AMBRA1: variants seen among roughly 807,000 people sequenced by gnomAD.
The protein encoded by AMBRA1 is autophagy and beclin 1 regulator 1.
In AMBRA1, 47 loss-of-function variants were observed where a neutral mutation model predicts 125.4. The ratio of observed to expected loss-of-function variants is 0.37; its 90% CI spans 0.30 to 0.48. The LOEUF (loss-of-function observed/expected upper bound fraction) is 0.48. Among genes scored for constraint, AMBRA1 ranks in the 20% least tolerant of loss-of-function variants. AMBRA1 has a pLI of 0.99. For synonymous variants in AMBRA1, 626 were observed against 655.5 expected, an observed-to-expected ratio of 0.95 and a Z score of 0.69; for missense variants, 1,331 against 1,693.4, an observed-to-expected ratio of 0.79 and a Z score of 3.76.
At chr11:46,445,078 A>AAAAAAAAAAAAAAAAAAAAAAAG (rs1948214514) in intron 11 of AMBRA1, among the ~76,000 whole-genome samples, 1 of 151,852 alleles carries the variant, frequency 6.6e-6, no homozygotes. Context: ...AAACAAAAAA[A>AAAAAAAAAAAAAAAAAAAAAAAG]AAAAAACAAA....
intron 15 of AMBRA1, among the ~76,000 whole-genome samples, chr11:46,412,444 C>T (rs534179905): frequency 1.3e-5 from 2 of 152,186 alleles, no homozygotes; most frequent in East Asian, 3.9e-4. Context: ...CTCACCACGC[C>T]TGGCTAATTT....
At chr11:46,551,131 A>C (rs2135200932) in intron 1 of AMBRA1, among the ~76,000 whole-genome samples, 1 of 151,858 alleles carries the variant, frequency 6.6e-6, no homozygotes, top group South Asian at 2.1e-4. Flanking sequence ...GATGTCCAAA[A>C]TATATTGTCG....
At chr11:46,464,986 G>A (rs1280445948) in intron 11 of AMBRA1, among the ~76,000 whole-genome samples, 1 of 152,146 alleles carries the variant, frequency 6.6e-6, no homozygotes, top group Non-Finnish European at 1.5e-5. Flanking sequence ...GGAGGTTGCA[G>A]TGAGCTGCGA....
At chr11:46,477,694 G>A (rs1230018020) in intron 11 of AMBRA1, among the ~76,000 whole-genome samples, 1 of 151,968 alleles carries the variant, frequency 6.6e-6, no homozygotes, top group Non-Finnish European at 1.5e-5. Flanking sequence ...ACATGCCTAG[G>A]ATAATATCCA....
At chr11:46,505,907 A>G (rs1425981695) in intron 9 of AMBRA1, among the ~76,000 whole-genome samples, 1 of 152,190 alleles carries the variant, frequency 6.6e-6, no homozygotes, top group Non-Finnish European at 1.5e-5. Context: ...CACTGCAAAA[A>G]GATAACGCAG....
intron 11 of AMBRA1, chr11:46,451,913 C>G (rs1321356296): frequency 6.7e-6 from 1 of 149,754 alleles, no homozygotes; most frequent in East Asian, 2.1e-4. Flanking sequence ...ATCAACTTTT[C>G]AAACAGATTG....
At chr11:46,528,446 C>T (rs1340683594) in intron 7 of AMBRA1, among the ~76,000 whole-genome samples, 1 of 152,258 alleles carries the variant, frequency 6.6e-6, no homozygotes, top group African/African-American at 2.4e-5. Context: ...GCTGGGATTA[C>T]AGGCGTGAGC....
rs142012115 is a variant in AMBRA1 at position 46,542,871 on chromosome 11, C to T, written c.1146G>A (p.Thr382=). The T allele has an allele frequency of 6.2e-5, 100 of 1,613,044 alleles. No individual in the cohort carries two copies. The highest frequency in any genetic ancestry group is 2.2e-4 in the Admixed American group (13 of 59,992). ...STVQSSTAGN[T]LRNLSLGPTR... is the part of the protein sequence containing the mutation. The stretch of plus-strand genomic sequence containing the variant: ...TAGGACCCAGACTGAGGTTGCGGAG[C>T]GTGTTGCCGGCAGTGCTGCTCTGGA... Residue 382 remains threonine (T), a synonymous_variant, in exon 7 of 18, where the codon ACG becomes ACA. Coordinates refer to ENST00000683756, the MANE Select transcript of AMBRA1 (RefSeq NM_001387011.1). The surrounding 1 kb of genome is among the most constrained non-coding windows in gnomAD (Gnocchi z 5.9).
chr11:46,499,376 T>C (rs989925070), intron 9 of AMBRA1, among the ~76,000 whole-genome samples: 2 of 152,254 alleles, frequency 1.3e-5, no homozygotes, highest in Non-Finnish European at 2.9e-5. Context: ...TCTCTTCTTC[T>C]GCATTCCTCT....
chr11:46,412,148 T>C (rs897709300), intron 15 of AMBRA1, among the ~76,000 whole-genome samples: 4 of 152,342 alleles, frequency 2.6e-5, no homozygotes, highest in African/African-American at 7.2e-5. Flanking sequence ...CTTGGTATCT[T>C]TGGGGAATTG....
intron 11 of AMBRA1, among the ~76,000 whole-genome samples, chr11:46,449,925 G>A (rs1948490060): frequency 6.6e-6 from 1 of 152,104 alleles, no homozygotes. Flanking sequence ...GGGGCGTGGT[G>A]GCGCATATCT....
At chr11:46,577,914 C>T (rs967613847) in intron 1 of AMBRA1, among the ~76,000 whole-genome samples, 2 of 152,266 alleles carry the variant, frequency 1.3e-5, no homozygotes, top group South Asian at 2.1e-4. Context: ...AGCACCACTG[C>T]ACTCCAGCCT....
At chr11:46,525,898 C>T (rs766328786) in intron 7 of AMBRA1, among the ~76,000 whole-genome samples, 11 of 151,710 alleles carry the variant, frequency 7.3e-5, no homozygotes, top group African/African-American at 1.2e-4. Context: ...GGTGACAGAG[C>T]GAGACTCTGT....
rs558959627 is a variant in AMBRA1, at chr11:46,560,727, G to A, written c.-120-12227C>T. On this transcript the variant is annotated intron_variant, in intron 1 of 17. Coordinates refer to ENST00000683756, the MANE Select transcript of AMBRA1 (RefSeq NM_001387011.1). ...CTGAAGCTCAATTTTTTGGTTTCAA[G>A]CTATCAAAAGAATCAAGAAGACCAA... 4.6e-5 allele frequency among the ~76,000 whole-genome samples: 7 copies of A among 152,224 alleles called. No homozygotes were observed. The East Asian group carries it at 5.8e-4, about 13-fold the overall frequency.
chr11:46,511,750 T>C (rs1005667597), intron 8 of AMBRA1, among the ~76,000 whole-genome samples: 1 of 152,254 alleles, frequency 6.6e-6, no homozygotes, highest in Non-Finnish European at 1.5e-5. Flanking sequence ...TGTTATCCAT[T>C]AATATCCCAC....
intron 11 of AMBRA1, among the ~76,000 whole-genome samples, chr11:46,470,718 G>A (rs1949553661): frequency 1.3e-5 from 2 of 151,982 alleles, no homozygotes; most frequent in African/African-American, 4.8e-5. Context: ...AGCCATGTCT[G>A]CACCACCATA....
intron 14 of AMBRA1, among the ~76,000 whole-genome samples, chr11:46,420,018 A>ACACACACACACACACACACACACT (rs1418092325): frequency 8.7e-4 from 133 of 152,062 alleles, no homozygotes; most frequent in Non-Finnish European, 1.5e-3. Context: ...ACACACACAC[A>ACACACACACACACACACACACACT]CACTCTTCCA....
At chr11:46,537,622 T>C (rs1952540007) in intron 7 of AMBRA1, among the ~76,000 whole-genome samples, 1 of 152,184 alleles carries the variant, frequency 6.6e-6, no homozygotes, top group Non-Finnish European at 1.5e-5. Context: ...AGTTGCAATG[T>C]AGCGTCAGAC....
chr11:46,405,382 C>G (rs574180964), intron 17 of AMBRA1, among the ~76,000 whole-genome samples: 1 of 152,266 alleles, frequency 6.6e-6, no homozygotes, highest in East Asian at 1.9e-4. Context: ...CCGCTTTTAC[C>G]AAGTGGCTGA....
Sources: allele counts gnomAD v4.1 joint callset (sites outside exome capture counted in the v4.1 genomes callset), GRCh38; gene constraint gnomAD v4.1.1; non-coding constraint Gnocchi (gnomAD v3.1); transcripts MANE v1.5; gene names NCBI Gene and HGNC (gene_info 2026-07-23, HGNC 2026-07-21).